Variants in ARHGAP24 observed in about 807,000 individuals in gnomAD.
The protein encoded by ARHGAP24 is Rho GTPase activating protein 24.
A neutral mutation model predicts 76.4 loss-of-function variants in ARHGAP24; 50 were observed. The ratio of observed to expected loss-of-function variants is 0.65; its 90% confidence interval spans 0.52 to 0.83. ARHGAP24 has a LOEUF of 0.83. Ranked by LOEUF, ARHGAP24 falls within the 40% of genes least tolerant of loss-of-function variation. The pLI is 0.00. For synonymous variants in ARHGAP24, 345 were observed against 323.3 expected, an observed-to-expected ratio of 1.07 and a Z score of -0.72; for missense variants, 930 against 914.2, an observed-to-expected ratio of 1.02 and a Z score of -0.22.
intron 5 of ARHGAP24, among the ~76,000 whole-genome samples, chr4:85,959,599 C>T (rs187373155): frequency 7.9e-5 from 12 of 152,212 alleles, no homozygotes; most frequent in Admixed American, 5.9e-4. Context: ...TTTATTCATC[C>T]GTCAGTTGGT....
intron 2 of ARHGAP24, among the ~76,000 whole-genome samples, chr4:85,703,123 A>G (rs1208579891): frequency 1.3e-5 from 2 of 152,218 alleles, no homozygotes; most frequent in African/African-American, 2.4e-5. Flanking sequence ...AGGCTATGAA[A>G]GAAGTAGATT....
At chr4:85,916,036 A>C (rs1735367065) in intron 3 of ARHGAP24, among the ~76,000 whole-genome samples, 1 of 152,206 alleles carries the variant, frequency 6.6e-6, no homozygotes, top group Admixed American at 6.5e-5. Context: ...CACTCCCACC[A>C]ACAGTGTAAA....
chr4:85,552,762 A>C (rs1460356690), intron 1 of ARHGAP24, among the ~76,000 whole-genome samples: 2 of 152,174 alleles, frequency 1.3e-5, no homozygotes, highest in Non-Finnish European at 2.9e-5. Context: ...ATACTTTACT[A>C]TTATGTCAGT....
At chr4:85,921,618 A>G (rs1308652186) in intron 3 of ARHGAP24, among the ~76,000 whole-genome samples, 2 of 152,166 alleles carry the variant, frequency 1.3e-5, no homozygotes, top group Admixed American at 1.3e-4. Flanking sequence ...ATAAGATAAA[A>G]CTGTGATTCT....
At chr4:85,543,337 G>A (rs1294925329) in intron 1 of ARHGAP24, among the ~76,000 whole-genome samples, 1 of 152,140 alleles carries the variant, frequency 6.6e-6, no homozygotes. Context: ...CTCTAAAACT[G>A]GGAAGAACAA....
At chr4:85,503,216 A>G (rs554299295) in intron 1 of ARHGAP24, among the ~76,000 whole-genome samples, 3 of 152,290 alleles carry the variant, frequency 2.0e-5, no homozygotes, top group Non-Finnish European at 4.4e-5. Flanking sequence ...TCGTATCAGG[A>G]TGATGCTGGC....
intron 1 of ARHGAP24, among the ~76,000 whole-genome samples, chr4:85,536,597 G>T (rs2110120026): frequency 6.6e-6 from 1 of 152,098 alleles, no homozygotes. Flanking sequence ...GTAAACAAAA[G>T]GTATAGAGGC....
At chr4:85,524,929 A>C (rs992848915) in intron 1 of ARHGAP24, among the ~76,000 whole-genome samples, 1 of 152,150 alleles carries the variant, frequency 6.6e-6, no homozygotes, top group Non-Finnish European at 1.5e-5. Context: ...GGATGAAGGG[A>C]GGGGAAAGCT....
chr4:85,904,726 T>C (rs1335407761), intron 3 of ARHGAP24, among the ~76,000 whole-genome samples: 1 of 152,236 alleles, frequency 6.6e-6, no homozygotes, highest in Non-Finnish European at 1.5e-5. Context: ...TTTTTGTGTG[T>C]TCTTTATTGG....
intron 1 of ARHGAP24, among the ~76,000 whole-genome samples, chr4:85,555,060 T>C (rs1726304189): frequency 6.6e-6 from 1 of 152,182 alleles, no homozygotes; most frequent in African/African-American, 2.4e-5. Context: ...TTGGATTGGG[T>C]TTTGACTTTC....
At chr4:85,806,681 T>C (rs914451819) in intron 3 of ARHGAP24, among the ~76,000 whole-genome samples, 1 of 152,158 alleles carries the variant, frequency 6.6e-6, no homozygotes, top group African/African-American at 2.4e-5. Context: ...ATAAAGATGT[T>C]CACCAGCTCA....
At chr4:85,759,671 G>A (rs1726661483) in intron 3 of ARHGAP24, among the ~76,000 whole-genome samples, 1 of 152,148 alleles carries the variant, frequency 6.6e-6, no homozygotes, top group Admixed American at 6.6e-5. Flanking sequence ...TAGAAAGTAG[G>A]CGAAATTGTC....
In ARHGAP24 at chr4:85,564,408, G is replaced by A. The variant is rs192766057; in HGVS notation, c.-20-6114G>A. On this transcript the variant is annotated intron_variant, in intron 1 of 9. Coordinates refer to ENST00000395184, the MANE Select transcript of ARHGAP24 (RefSeq NM_001025616.3). ...GGGCCTGTTGTGGGGTGGGGGGAGCGGGGGGGATAGCATTAGGAGATATAC... is the reference window on the plus strand; with the variant it reads ...GGGCCTGTTGTGGGGTGGGGGGAGCAGGGGGGATAGCATTAGGAGATATAC... Among the ~76,000 whole-genome samples the A allele has an allele frequency of 7.7e-4, 102 of 132,056 alleles. 2 individuals are homozygous for A. The highest frequency in any genetic ancestry group is 3.0e-3 in the African/African-American group (73 of 24,738). The allele number at this position is 132,056 out of a possible 152,430, so 86.6% of individuals were successfully genotyped here. A position where few individuals can be genotyped will look rare whatever the true frequency, so the allele number is the denominator to read the frequency against.
At chr4:85,958,384 G>A (rs1738047049) in intron 5 of ARHGAP24, among the ~76,000 whole-genome samples, 2 of 152,020 alleles carry the variant, frequency 1.3e-5, no homozygotes, top group African/African-American at 2.4e-5. Flanking sequence ...GGATAATGAT[G>A]GTATTGATGA....
chr4:85,625,227 C>G (rs991670074), intron 2 of ARHGAP24, among the ~76,000 whole-genome samples: 4 of 152,082 alleles, frequency 2.6e-5, no homozygotes, highest in African/African-American at 9.7e-5. Flanking sequence ...AAATTTCCCT[C>G]TACATACTGC....
At chr4:85,894,096 T>TCATA (rs1553939609) in intron 3 of ARHGAP24, among the ~76,000 whole-genome samples, 3 of 54,100 alleles carry the variant, frequency 5.5e-5, no homozygotes, top group Non-Finnish European at 1.4e-4. Context: ...ACTTAGAGTA[T>TCATA]AATAAAAAAA....
chr4:85,661,307 A>T (rs1339658613), intron 2 of ARHGAP24, among the ~76,000 whole-genome samples: 5 of 152,222 alleles, frequency 3.3e-5, no homozygotes, highest in African/African-American at 1.2e-4. Flanking sequence ...AAGGAGCAGG[A>T]CAACCCAATT....
At chr4:85,850,095 G>GCCT (rs1276577412) in intron 3 of ARHGAP24, among the ~76,000 whole-genome samples, 4 of 152,048 alleles carry the variant, frequency 2.6e-5, no homozygotes, top group Admixed American at 2.6e-4. Context: ...TTTTTGGTTG[G>GCCT]TAGGCTATTA....
chr4:85,629,169 C>A (rs781324339), intron 2 of ARHGAP24, among the ~76,000 whole-genome samples: 8 of 152,112 alleles, frequency 5.3e-5, no homozygotes, highest in Non-Finnish European at 7.4e-5. Flanking sequence ...TTACAAAGAA[C>A]CTCTTATAGT....
Sources: gnomAD v4.1 joint callset for allele counts (sites outside exome capture counted in the v4.1 genomes callset) on GRCh38, gnomAD v4.1.1 for gene constraint, MANE v1.5 for transcripts, NCBI Gene and HGNC (gene_info 2026-07-23, HGNC 2026-07-21) for gene names.